Variants in UHRF1 observed in about 807,000 individuals in gnomAD.
The protein encoded by UHRF1 is ubiquitin like with PHD and ring finger domains 1.
A neutral mutation model predicts 96.5 loss-of-function variants in UHRF1; 9 were observed. The observed-to-expected ratio is 0.09, with a 90% CI of 0.06 to 0.16. The LOEUF (loss-of-function observed/expected upper bound fraction) is 0.16. Among genes scored for constraint, UHRF1 ranks in the 10% least tolerant of loss-of-function variants. The pLI, the probability that UHRF1 is intolerant of heterozygous loss-of-function variation, is 1.00. For missense variants in UHRF1, 626 were observed against 1,131.1 expected (o/e 0.55, Z 6.40); for synonymous variants, 455 against 469.9 (o/e 0.97, Z 0.41).
At chr19:4,911,354 G>A (rs1051958735) in intron 2 of UHRF1, among the ~76,000 whole-genome samples, 2 of 152,166 alleles carry the variant, frequency 1.3e-5, no homozygotes, top group African/African-American at 4.8e-5. Flanking sequence ...GTGGCCGATG[G>A]AAGGCTGAGG....
At chr19:4,941,698 G>A (rs760759609) in intron 6 of UHRF1, 47 bp from the exon 7 acceptor site, 1 of 1,563,806 alleles carries the variant, frequency 6.4e-7, no homozygotes, top group South Asian at 1.2e-5. Context: ...TCCCGTCTCT[G>A]GCTTGGCCGG....
chr19:4,925,535 A>G (rs1490812380), intron 2 of UHRF1, among the ~76,000 whole-genome samples: 3 of 151,648 alleles, frequency 2.0e-5, no homozygotes, highest in Non-Finnish European at 4.4e-5. Flanking sequence ...ATTTTATTTT[A>G]TTTCTTAAGA....
At chr19:4,910,852 G>A in intron 1 of UHRF1, 24 bp from the exon 2 acceptor site, 3 of 1,583,428 alleles carry the variant, frequency 1.9e-6, no homozygotes, top group Non-Finnish European at 2.6e-6. Context: ...AACTGATGGG[G>A]GTTTTTGCTG....
chr19:4,932,866 C>G lies in UHRF1; in HGVS notation c.695C>G (p.Pro232Arg), dbSNP rs756415365. The G allele has an allele frequency of 1.2e-6, 2 of 1,613,846 alleles. No homozygotes were observed. The highest frequency in any genetic ancestry group is 8.5e-7 in the Non-Finnish European group (1 of 1,179,888). ...VVMLNYNPDN[P>R]KERGFWYDAE... ...ATGCTCAACTACAACCCCGACAACC[C>G]CAAGGAGCGGGGCTTCTGGTACGAC... Residue 232 changes from proline (P) to arginine (R), a missense_variant, in exon 5 of 17, where the codon CCC becomes CGC. This residue lies in a region of UHRF1 where 198 missense variants were observed against 235.1 expected (regional missense o/e 0.84). Coordinates refer to ENST00000650932, the MANE Select transcript of UHRF1 (RefSeq NM_001048201.3).
chr19:4,943,251 A>T (rs913301704), intron 7 of UHRF1, among the ~76,000 whole-genome samples: 3 of 152,052 alleles, frequency 2.0e-5, no homozygotes, highest in Non-Finnish European at 4.4e-5. Context: ...AAACAAAAAA[A>T]AAGGGGGGGT....
intron 2 of UHRF1, among the ~76,000 whole-genome samples, chr19:4,919,754 A>G (rs2032642114): frequency 6.6e-6 from 1 of 152,138 alleles, no homozygotes. Context: ...ACTAGGTTCA[A>G]TGATAGGAGA....
At chr19:4,909,941 C>T (rs981129277) in intron 1 of UHRF1, among the ~76,000 whole-genome samples, 1 of 150,934 alleles carries the variant, frequency 6.6e-6, no homozygotes, top group African/African-American at 2.4e-5. Context: ...TCCGCGCCTG[C>T]GCGCGGGGCG....
upstream of UHRF1, among the ~76,000 whole-genome samples, chr19:4,907,025 A>G (rs1187033422): frequency 1.3e-5 from 2 of 152,228 alleles, no homozygotes; most frequent in African/African-American, 4.8e-5. Context: ...AACAGTGAAC[A>G]GCACCATCTG....
At chr19:4,938,278 C>T (rs2033276015) in intron 5 of UHRF1, among the ~76,000 whole-genome samples, 1 of 152,024 alleles carries the variant, frequency 6.6e-6, no homozygotes, top group Non-Finnish European at 1.5e-5. Context: ...TCTGTTTCAT[C>T]ATGTTTGAGC....
chr19:4,954,955 C>A lies in UHRF1; in HGVS notation c.2130+133C>A. The A allele has an allele frequency of 1.0e-6, 1 of 1,000,378 alleles. No homozygotes were observed. Among genetic ancestry groups the A allele is most frequent in the Non-Finnish European group, 1.5e-6 (1 of 679,874 alleles). The allele number at this position is 1,000,378 out of a possible 1,614,324, so 62.0% of individuals were successfully genotyped here. A position where few individuals can be genotyped will look rare whatever the true frequency, so the allele number is the denominator to read the frequency against. ...TGAGTACATTCTTGTGGTTGTGCAA[C>A]CATCACCACCATCACCACCTCCAGA... On this transcript the variant is annotated intron_variant, in intron 15 of 16. Transcript: ENST00000650932. This position sits in a 1 kb window ranked among gnomAD's most constrained non-coding sequence, Gnocchi z 5.9.
chr19:4,956,940 C>T lies in UHRF1; in HGVS notation c.2235+127C>T. ...TTGCTCCGCTCACTCTGCAGCTTTT[C>T]TCGGGGCCCTGTTGACTGCTTTCTG... On this transcript the variant is annotated intron_variant, in intron 16 of 16. Coordinates refer to ENST00000650932, the MANE Select transcript of UHRF1 (RefSeq NM_001048201.3). The T allele has an allele frequency of 7.0e-6, 5 of 711,236 alleles. No homozygotes were observed. The South Asian group carries it at 8.1e-5, about 12-fold the overall frequency. The allele number at this position is 711,236 out of a possible 1,614,324, so 44.1% of individuals were successfully genotyped here.
chr19:4,903,853 A>C (rs2032001600), intron 1 of UHRF1, among the ~76,000 whole-genome samples: 1 of 152,152 alleles, frequency 6.6e-6, no homozygotes, highest in African/African-American at 2.4e-5. Context: ...ATTGGTCTAT[A>C]TTGGAAAAAA....
chr19:4,904,737 G>T (rs193284969), upstream of UHRF1, among the ~76,000 whole-genome samples: 1 of 152,368 alleles, frequency 6.6e-6, no homozygotes, highest in African/African-American at 2.4e-5. Flanking sequence ...ATCTGGCTCA[G>T]CCAGGAGTGG....
At chr19:4,920,896 C>T (rs537010467) in intron 2 of UHRF1, among the ~76,000 whole-genome samples, 28 of 152,212 alleles carry the variant, frequency 1.8e-4, no homozygotes, top group African/African-American at 5.3e-4. Context: ...GAGGCCAAGG[C>T]GGGTGGATCA....
At chr19:4,927,999 G>C (rs923295553) in intron 2 of UHRF1, among the ~76,000 whole-genome samples, 1 of 152,168 alleles carries the variant, frequency 6.6e-6, no homozygotes, top group South Asian at 2.1e-4. Context: ...ATTTTAATGC[G>C]TGCAGCCTCC....
intron 2 of UHRF1, among the ~76,000 whole-genome samples, chr19:4,915,430 A>C (rs2032457397): frequency 6.6e-6 from 1 of 152,178 alleles, no homozygotes; most frequent in South Asian, 2.1e-4. Context: ...AAAAACAGGT[A>C]TGGCGGGGCC....
At chr19:4,951,866 T>A (rs1371238888) in intron 13 of UHRF1, among the ~76,000 whole-genome samples, 2 of 151,938 alleles carry the variant, frequency 1.3e-5, no homozygotes, top group African/African-American at 2.4e-5. Context: ...TCAGCACCAG[T>A]TAGGATGTGG....
At chr19:4,956,872 C>T in intron 16 of UHRF1, 59 bp downstream of exon 16, 1 of 1,199,380 alleles carries the variant, frequency 8.3e-7, no homozygotes, top group Non-Finnish European at 1.2e-6. Context: ...ACCTGACCTC[C>T]CGTTCCCACA....
At chr19:4,942,071 G>A (rs2033421827) in intron 7 of UHRF1, 140 bp downstream of exon 7, 9 of 965,184 alleles carry the variant, frequency 9.3e-6, no homozygotes, top group Non-Finnish European at 1.3e-5. Flanking sequence ...CGAGGCGGGA[G>A]GATCACTTGA....
Sources: gnomAD v4.1 joint callset for allele counts (sites outside exome capture counted in the v4.1 genomes callset) on GRCh38, gnomAD v4.1.1 for gene constraint, gnomAD v4.1.1 regional missense constraint, Gnocchi (gnomAD v3.1) non-coding constraint, MANE v1.5 for transcripts, NCBI Gene and HGNC (gene_info 2026-07-23, HGNC 2026-07-21) for gene names.